Variants in CDC123 observed in about 807,000 individuals in gnomAD.
The protein encoded by CDC123 is cell division cycle 123.
CDC123 carries 37 observed loss-of-function variants against 54.4 expected under a neutral mutation model. The observed-to-expected ratio is 0.68, with a 90% CI of 0.52 to 0.89. The LOEUF (loss-of-function observed/expected upper bound fraction) is 0.89. Among genes scored for constraint, CDC123 ranks in the 40% least tolerant of loss-of-function variants. The pLI, the probability that CDC123 is intolerant of heterozygous loss-of-function variation, is 0.00. For missense variants in CDC123, 361 were observed against 412.1 expected, an observed-to-expected ratio of 0.88 and a Z score of 1.07; for synonymous variants, 144 against 136.8, an observed-to-expected ratio of 1.05 and a Z score of -0.37.
intron 2 of CDC123, among the ~76,000 whole-genome samples, chr10:12,206,092 A>T (rs1321965624): frequency 6.6e-6 from 1 of 152,168 alleles, no homozygotes; most frequent in African/African-American, 2.4e-5. Flanking sequence ...GAGCCACCGT[A>T]CTTGGCCAAA....
intron 10 of CDC123, chr10:12,245,267 T>C (rs1169652304): frequency 6.6e-6 from 1 of 152,056 alleles, no homozygotes; most frequent in Non-Finnish European, 1.5e-5. Context: ...TCTTTTTTTT[T>C]TGGAGACCCG....
chr10:12,199,661 TG>T (rs2131728922), intron 2 of CDC123, among the ~76,000 whole-genome samples: 1 of 150,200 alleles, frequency 6.7e-6, no homozygotes, highest in African/African-American at 2.5e-5. Flanking sequence ...GTTTTTAGTG[TG>T]GTTTTCTGGA....
intron 6 of CDC123, among the ~76,000 whole-genome samples, chr10:12,225,016 G>C (rs1444037490): frequency 6.6e-6 from 1 of 152,100 alleles, no homozygotes; most frequent in Non-Finnish European, 1.5e-5. Context: ...GCTGAGGCCT[G>C]TAGTTGGTGG....
At chr10:12,197,623 C>G (rs558905020) in intron 1 of CDC123, among the ~76,000 whole-genome samples, 1 of 142,082 alleles carries the variant, frequency 7.0e-6, no homozygotes, top group African/African-American at 2.5e-5. Context: ...GTGATCCGCC[C>G]GCCTCGGCCT....
intron 6 of CDC123, among the ~76,000 whole-genome samples, chr10:12,217,752 A>G (rs188478625): frequency 2.0e-5 from 3 of 152,316 alleles, no homozygotes; most frequent in Non-Finnish European, 4.4e-5. Flanking sequence ...ATCATAGAAA[A>G]GCAAAATTAG....
chr10:12,239,953 A>G (rs1836034622), intron 10 of CDC123, among the ~76,000 whole-genome samples: 1 of 149,492 alleles, frequency 6.7e-6, no homozygotes, highest in Non-Finnish European at 1.5e-5. Flanking sequence ...GCTTGCAGTG[A>G]GCCGAGATCG....
At position 12,250,394 on chromosome 10, in the gene CDC123, C is replaced by A; in HGVS notation, c.*57C>A. On this transcript the variant is annotated 3_prime_UTR_variant, in exon 13 of 13. Coordinates refer to ENST00000281141, the MANE Select transcript of CDC123 (RefSeq NM_006023.3). Reference sequence around the variant, plus strand: ...CCGCCCCACCGCTCCGGGAGCTGCTCATCAGCCGCAACTTCCTGCCGACCC... The same window carrying A: ...CCGCCCCACCGCTCCGGGAGCTGCTAATCAGCCGCAACTTCCTGCCGACCC... 7.3e-7 allele frequency: 1 copy of A among 1,366,000 alleles called. No individual in the cohort carries two copies. Among genetic ancestry groups the A allele is most frequent in the South Asian group, 1.2e-5 (1 of 85,904 alleles). The allele number at this position is 1,366,000 out of a possible 1,614,324, so 84.6% of individuals were successfully genotyped here.
At chr10:12,229,886 G>T (rs1466904335) in intron 6 of CDC123, among the ~76,000 whole-genome samples, 1 of 152,320 alleles carries the variant, frequency 6.6e-6, no homozygotes, top group Middle Eastern at 3.4e-3. Flanking sequence ...TGTGACTTTC[G>T]ATGGCCAACG....
In CDC123 at chr10:12,250,423, T is replaced by G. The variant is rs528600500; in HGVS notation, c.*86T>G. On this transcript the variant is annotated 3_prime_UTR_variant, in exon 13 of 13. Coordinates refer to ENST00000281141, the MANE Select transcript of CDC123 (RefSeq NM_006023.3). ...AGCCGCAACTTCCTGCCGACCCTGATGCGGGTGGGCCGAGCAGTGTGGACA... is the reference window on the plus strand; with the variant it reads ...AGCCGCAACTTCCTGCCGACCCTGAGGCGGGTGGGCCGAGCAGTGTGGACA... The G allele has an allele frequency of 1.9e-6, 2 of 1,033,458 alleles. No homozygotes were observed. The highest frequency in any genetic ancestry group is 1.7e-5 in the Admixed American group (1 of 58,430). 64.0% of individuals were successfully genotyped at this position (1,033,458 alleles called of 1,614,324 possible). A position where few individuals can be genotyped will look rare whatever the true frequency, so the allele number is the denominator to read the frequency against.
intron 2 of CDC123, among the ~76,000 whole-genome samples, chr10:12,204,840 A>G (rs1835495196): frequency 6.6e-6 from 1 of 151,852 alleles, no homozygotes; most frequent in Admixed American, 6.6e-5. Context: ...TAAAACTACA[A>G]AAATTAGCTG....
At chr10:12,202,365 C>T (rs1835450778) in intron 2 of CDC123, among the ~76,000 whole-genome samples, 2 of 152,108 alleles carry the variant, frequency 1.3e-5, no homozygotes, top group African/African-American at 4.8e-5. Context: ...AAATGCAAAC[C>T]GTTTTTCCTC....
rs752328200 is a variant in CDC123, at chr10:12,249,596, C to T, written c.862C>T (p.Arg288Cys). 29 of 1,613,284 alleles carry T rather than the reference C, an allele frequency of 1.8e-5. No homozygotes were observed. The highest frequency in any genetic ancestry group is 3.3e-5 in the Admixed American group (2 of 59,756). ...DAQEQDSPAF[R>C]CTNSEVTVQP... ...CTTTGTACAGGATTCCCCAGCTTTCCGTTGCACAAACAGTGAAGTGACAGT... is the reference window on the plus strand; with the variant it reads ...CTTTGTACAGGATTCCCCAGCTTTCTGTTGCACAAACAGTGAAGTGACAGT... The change falls in exon 12 of 13, where the codon CGT becomes TGT. Residue 288 changes from arginine to cysteine, a missense_variant. By Grantham distance (180) the Arg-to-Cys change is radical (BLOSUM62 -3). Transcript: ENST00000281141.
At chr10:12,223,124 G>C (rs1009614015) in intron 6 of CDC123, among the ~76,000 whole-genome samples, 2 of 151,840 alleles carry the variant, frequency 1.3e-5, no homozygotes, top group African/African-American at 4.8e-5. Context: ...TCAATCTCCT[G>C]ACCTCATGAT....
chr10:12,247,094 GTCC>G (rs1418950946), intron 11 of CDC123: 1 of 102,966 alleles, frequency 9.7e-6, no homozygotes, highest in African/African-American at 3.3e-5. Flanking sequence ...TCAGGACACT[GTCC>G]TCCTCTCTCA....
chr10:12,245,911 A>G (rs557351598), intron 10 of CDC123: 1 of 368,292 alleles, frequency 2.7e-6, no homozygotes, highest in African/African-American at 2.1e-5. Flanking sequence ...TCTCGAAGAA[A>G]ATACAAAAAT....
chr10:12,230,845 CT>C (rs1208775915), intron 6 of CDC123, 102 bp from the exon 7 acceptor site: 3 of 1,075,192 alleles, frequency 2.8e-6, no homozygotes, highest in Non-Finnish European at 4.2e-6. Flanking sequence ...TTTCTGGATG[CT>C]TTTAGTAAAA....
intron 2 of CDC123, among the ~76,000 whole-genome samples, chr10:12,199,182 T>C (rs1160576308): frequency 1.3e-5 from 2 of 152,230 alleles, no homozygotes; most frequent in Admixed American, 1.3e-4. Flanking sequence ...TGAACTACCG[T>C]GGCCCCCCCT....
intron 10 of CDC123, among the ~76,000 whole-genome samples, chr10:12,242,420 G>T (rs1836071152): frequency 6.6e-6 from 1 of 152,176 alleles, no homozygotes; most frequent in African/African-American, 2.4e-5. Context: ...TCTGTTTTGG[G>T]GAAGTGGAGA....
At chr10:12,232,784 C>CTT (rs1224349134) in intron 7 of CDC123, among the ~76,000 whole-genome samples, 1 of 115,582 alleles carries the variant, frequency 8.7e-6, no homozygotes, top group Non-Finnish European at 2.1e-5. Flanking sequence ...ATTTCCTTAC[C>CTT]TTTCTTTTTT....
Sources: allele counts gnomAD v4.1 joint callset (sites outside exome capture counted in the v4.1 genomes callset), GRCh38; gene constraint gnomAD v4.1.1; transcripts MANE v1.5; gene names NCBI Gene and HGNC (gene_info 2026-07-23, HGNC 2026-07-21).